The following RALYL variants were observed in gnomAD, a reference collection of about 807,000 sequenced individuals.
The protein encoded by RALYL is RNA-binding Raly-like protein.
In RALYL, 29 loss-of-function variants were observed where a neutral mutation model predicts 35.1. The ratio of observed to expected loss-of-function variants is 0.83; its 90% CI spans 0.61 to 1.13. The LOEUF (loss-of-function observed/expected upper bound fraction) is 1.13. Among genes scored for constraint, RALYL ranks in the 50% most tolerant of loss-of-function variants. The pLI is 0.00. For missense variants in RALYL, 359 were observed against 360.4 expected (o/e 1.00, Z 0.03); for synonymous variants, 120 against 127.6 (o/e 0.94, Z 0.40).
chr8:84,268,757 C>T (rs1013818416), intron 1 of RALYL, among the ~76,000 whole-genome samples: 11 of 152,076 alleles, frequency 7.2e-5, no homozygotes, highest in African/African-American at 2.4e-4. Flanking sequence ...TTAATAGCTG[C>T]CATGTGCTGT....
intron 1 of RALYL, among the ~76,000 whole-genome samples, chr8:84,340,245 C>A (rs1057116126): frequency 6.6e-6 from 1 of 152,002 alleles, no homozygotes; most frequent in Non-Finnish European, 1.5e-5. Flanking sequence ...TACATCAGGT[C>A]TTTGCTAGGT....
chr8:84,444,210 T>A (rs980288294), intron 1 of RALYL, among the ~76,000 whole-genome samples: 2 of 152,036 alleles, frequency 1.3e-5, no homozygotes. Context: ...GTGTCTATAG[T>A]CCTAGATGCT....
chr8:84,616,856 C>T (rs1819837195), intron 2 of RALYL, among the ~76,000 whole-genome samples: 2 of 151,726 alleles, frequency 1.3e-5, no homozygotes, highest in Admixed American at 1.3e-4. Flanking sequence ...GGAATCCTTT[C>T]CCCATTGCTT....
At chr8:84,292,181 T>C (rs1679017451) in intron 1 of RALYL, among the ~76,000 whole-genome samples, 1 of 152,048 alleles carries the variant, frequency 6.6e-6, no homozygotes, top group African/African-American at 2.4e-5. Flanking sequence ...TGGAGAATAG[T>C]TTGTGAATCT....
rs368499757 is a variant in RALYL, at chr8:84,643,559, C to T, written c.256+113982C>T. Among the ~76,000 whole-genome samples the T allele has an allele frequency of 8.5e-5, 13 of 152,138 alleles. No individual in the cohort carries two copies. The South Asian group carries it at 1.7e-3, about 19-fold the overall frequency. The stretch of plus-strand genomic sequence containing the variant: ...GCCATGAGCAGCCAGCATTCACAGG[C>T]ATCCCTATGCCCCATCATACAGAAA... On this transcript the variant is annotated intron_variant, in intron 2 of 8. Transcript: ENST00000521268.
chr8:84,844,741 T>C (rs545964634), intron 4 of RALYL, among the ~76,000 whole-genome samples: 7 of 151,772 alleles, frequency 4.6e-5, no homozygotes, highest in Non-Finnish European at 8.8e-5. Context: ...AATGATAGAG[T>C]GGATTAAGAA....
At chr8:84,252,423 A>G (rs1830371479) in intron 1 of RALYL, among the ~76,000 whole-genome samples, 8 of 152,170 alleles carry the variant, frequency 5.3e-5, no homozygotes, top group Non-Finnish European at 1.5e-5. Flanking sequence ...AAAACTCACA[A>G]ACGCCTACAC....
chr8:84,725,507 G>A lies in RALYL; in HGVS notation c.257-49072G>A, dbSNP rs145476690. 1.1e-3 allele frequency among the ~76,000 whole-genome samples: 170 copies of A among 151,822 alleles called. 1 individual carries two copies. The highest frequency in any genetic ancestry group is 2.1e-3 in the Non-Finnish European group (142 of 67,726). ...TTCATGCTTTAATCAAAGCAATGTT[G>A]TGTCCTTTAGTAGCTGATACATCTG... On this transcript the variant is annotated intron_variant, in intron 2 of 8. Transcript: ENST00000521268.
chr8:84,418,334 AT>A (rs2044992044), intron 1 of RALYL, among the ~76,000 whole-genome samples: 1 of 152,188 alleles, frequency 6.6e-6, no homozygotes, highest in Non-Finnish European at 1.5e-5. Context: ...TCTTATGGAA[AT>A]AAAATGAAAT....
chr8:84,508,991 C>CA (rs1382054799), intron 1 of RALYL, among the ~76,000 whole-genome samples: 2 of 151,722 alleles, frequency 1.3e-5, no homozygotes, highest in Admixed American at 6.6e-5. Context: ...TTTGCGATTC[C>CA]AAAAATATTT....
chr8:84,485,301 T>G (rs528308357), intron 1 of RALYL, among the ~76,000 whole-genome samples: 2 of 152,258 alleles, frequency 1.3e-5, no homozygotes, highest in African/African-American at 4.8e-5. Context: ...TTTAAACTAC[T>G]GATATGACTG....
chr8:84,533,852 G>A (rs1035079235), intron 2 of RALYL, among the ~76,000 whole-genome samples: 15 of 152,170 alleles, frequency 9.9e-5, no homozygotes, highest in African/African-American at 3.1e-4. Context: ...TAGTAGAGAG[G>A]AAGATGTTTG....
intron 2 of RALYL, among the ~76,000 whole-genome samples, chr8:84,688,404 G>T (rs1285982492): frequency 5.9e-5 from 9 of 152,196 alleles, no homozygotes; most frequent in African/African-American, 1.9e-4. Context: ...AGGAACAAAA[G>T]AGAGAACCCA....
chr8:84,470,549 A>G (rs976618608), intron 1 of RALYL, among the ~76,000 whole-genome samples: 1 of 152,112 alleles, frequency 6.6e-6, no homozygotes, highest in Non-Finnish European at 1.5e-5. Context: ...GCACTCTTCA[A>G]ATTTTAGTAG....
At position 84,771,892 on chromosome 8, in the gene RALYL, G is replaced by T. The variant is rs566973830; in HGVS notation, c.257-2687G>T. Among the ~76,000 whole-genome samples, 9 of 152,080 alleles carry T rather than the reference G, an allele frequency of 5.9e-5. No individual in the cohort carries two copies. The South Asian group carries it at 1.9e-3, about 32-fold the overall frequency. ...GAATTTATCAATTTTGTATTTTAAG[G>T]TTAGCGATTTTTTATGTCTGGTTTA... On this transcript the variant is annotated intron_variant, in intron 2 of 8. Transcript: ENST00000521268.
chr8:84,488,408 G>A (rs140650028), intron 1 of RALYL, among the ~76,000 whole-genome samples: 64 of 152,110 alleles, frequency 4.2e-4, no homozygotes, highest in African/African-American at 1.4e-3. Context: ...AGAGAGCCCA[G>A]GAAGTACACA....
intron 2 of RALYL, among the ~76,000 whole-genome samples, chr8:84,561,768 A>T (rs2061484030): frequency 6.6e-6 from 1 of 151,934 alleles, no homozygotes. Flanking sequence ...TACACTAGAC[A>T]TAGGGACGAT....
chr8:84,597,349 GA>G (rs1588422047), intron 2 of RALYL, among the ~76,000 whole-genome samples: 1 of 152,230 alleles, frequency 6.6e-6, no homozygotes, highest in East Asian at 1.9e-4. Flanking sequence ...AACTTACATA[GA>G]TTTTGTGATT....
At chr8:84,888,343 T>C (rs1482723689) in intron 8 of RALYL, among the ~76,000 whole-genome samples, 2 of 152,214 alleles carry the variant, frequency 1.3e-5, no homozygotes, top group African/African-American at 4.8e-5. Context: ...TTTCCTAATA[T>C]TGTAATCATT....
Sources: allele counts gnomAD v4.1 joint callset (sites outside exome capture counted in the v4.1 genomes callset), GRCh38; gene constraint gnomAD v4.1.1; transcripts MANE v1.5; gene names NCBI Gene and HGNC (gene_info 2026-07-23, HGNC 2026-07-21).